Variants in VAV3 observed in about 807,000 individuals in gnomAD.
VAV3 encodes the protein guanine nucleotide exchange factor VAV3.
VAV3 carries 94 observed loss-of-function variants against 131.2 expected under a neutral mutation model. The ratio of observed to expected loss-of-function variants is 0.72; its 90% CI spans 0.61 to 0.85. The LOEUF is 0.85. Among genes scored for constraint, VAV3 ranks in the 40% least tolerant of loss-of-function variants. VAV3 has a pLI of 0.00. For missense variants in VAV3, 939 were observed against 1,002.7 expected (o/e 0.94, Z 0.86); for synonymous variants, 349 against 342.0 (o/e 1.02, Z -0.22).
intron 17 of VAV3, 189 bp from the exon 18 acceptor site, chr1:107,688,595 G>T: frequency 7.0e-7 from 1 of 1,438,346 alleles, no homozygotes; most frequent in Non-Finnish European, 9.2e-7. Flanking sequence ...TACCCTATTG[G>T]CTTGTCAGGA....
intron 15 of VAV3, among the ~76,000 whole-genome samples, chr1:107,743,847 A>G (rs1194294002): frequency 6.6e-6 from 1 of 152,248 alleles, no homozygotes; most frequent in Non-Finnish European, 1.5e-5. Flanking sequence ...GTTTGAAGAT[A>G]ATACTTGGAA....
intron 2 of VAV3, among the ~76,000 whole-genome samples, chr1:107,789,935 T>G (rs953347681): frequency 6.6e-6 from 1 of 152,166 alleles, no homozygotes; most frequent in Non-Finnish European, 1.5e-5. Flanking sequence ...AGTAGCCACA[T>G]GTGGTTAATA....
chr1:107,606,132 G>GT (rs1297156999), intron 22 of VAV3, among the ~76,000 whole-genome samples: 2 of 152,034 alleles, frequency 1.3e-5, no homozygotes, highest in Non-Finnish European at 2.9e-5. Flanking sequence ...TACACAGGAT[G>GT]TAACACTCTA....
At chr1:107,728,636 TGTATA>T in intron 15 of VAV3, among the ~76,000 whole-genome samples, 1 of 128,240 alleles carries the variant, frequency 7.8e-6, no homozygotes, top group Non-Finnish European at 1.7e-5. Flanking sequence ...TATATGTATA[TGTATA>T]TGTATATGTA....
intron 1 of VAV3, 39 bp from the exon 2 acceptor site, chr1:107,875,056 A>G (rs1173626438): frequency 6.6e-7 from 1 of 1,512,742 alleles, no homozygotes; most frequent in Non-Finnish European, 9.2e-7. Context: ...AAAGTTAATT[A>G]TTCTGAATGC....
intron 15 of VAV3, among the ~76,000 whole-genome samples, chr1:107,712,376 C>A (rs111360615): frequency 1.3e-5 from 2 of 152,150 alleles, no homozygotes; most frequent in African/African-American, 4.8e-5. Flanking sequence ...CATCAGCTAT[C>A]GTTATTGTTA....
intron 20 of VAV3, among the ~76,000 whole-genome samples, chr1:107,635,371 C>CA (rs1318376159): frequency 4.9e-4 from 72 of 147,634 alleles, no homozygotes; most frequent in African/African-American, 1.7e-3. Context: ...ATCGCAAGGA[C>CA]AAAAAACCAA....
At chr1:107,633,894 C>G (rs369450512) in intron 20 of VAV3, among the ~76,000 whole-genome samples, 1 of 152,000 alleles carries the variant, frequency 6.6e-6, no homozygotes, top group Admixed American at 6.6e-5. Context: ...CACGGGCATT[C>G]GAGACCTTAC....
At chr1:107,860,974 C>T (rs1183487337) in intron 2 of VAV3, among the ~76,000 whole-genome samples, 1 of 151,692 alleles carries the variant, frequency 6.6e-6, no homozygotes, top group Non-Finnish European at 1.5e-5. Context: ...CTGTGCTGCT[C>T]TAAAACCAAT....
At chr1:107,785,401 C>A (rs540048997) in intron 2 of VAV3, 2 of 1,308,676 alleles carry the variant, frequency 1.5e-6, no homozygotes, top group African/African-American at 1.6e-5. Flanking sequence ...AAGGAAAGGC[C>A]GGGTTCAGTA....
chr1:107,845,255 T>C (rs951492593), intron 2 of VAV3, among the ~76,000 whole-genome samples: 1 of 152,034 alleles, frequency 6.6e-6, no homozygotes, highest in Non-Finnish European at 1.5e-5. Context: ...AGCGTCAACA[T>C]CAACGAAAAG....
At chr1:107,850,931 C>A (rs1174487543) in intron 2 of VAV3, among the ~76,000 whole-genome samples, 8 of 151,774 alleles carry the variant, frequency 5.3e-5, no homozygotes, top group African/African-American at 1.9e-4. Flanking sequence ...GTAAGTGTGC[C>A]CTTGGCATTG....
chr1:107,866,093 G>A (rs973535114), intron 2 of VAV3, among the ~76,000 whole-genome samples: 4 of 152,170 alleles, frequency 2.6e-5, no homozygotes, highest in Non-Finnish European at 5.9e-5. Context: ...TCATGGGAAA[G>A]GGGCCAGCTT....
chr1:107,759,996 G>T (rs76119888), intron 10 of VAV3, among the ~76,000 whole-genome samples: 3,657 of 152,172 alleles, frequency 0.024, 98 homozygotes, highest in African/African-American at 0.063. Flanking sequence ...AATAATCAGG[G>T]TTTGAATTTT....
At chr1:107,850,942 C>T (rs1669189809) in intron 2 of VAV3, among the ~76,000 whole-genome samples, 2 of 151,794 alleles carry the variant, frequency 1.3e-5, no homozygotes, top group South Asian at 4.2e-4. Context: ...CTTGGCATTG[C>T]CCTCCACAGC....
At chr1:107,690,199 A>C (rs750987493) in intron 17 of VAV3, among the ~76,000 whole-genome samples, 3 of 152,194 alleles carry the variant, frequency 2.0e-5, no homozygotes, top group Non-Finnish European at 2.9e-5. Flanking sequence ...CTTGCAAAGT[A>C]AGTCTTTTAC....
At chr1:107,813,576 C>T (rs979752767) in intron 2 of VAV3, among the ~76,000 whole-genome samples, 1 of 152,190 alleles carries the variant, frequency 6.6e-6, no homozygotes, top group Non-Finnish European at 1.5e-5. Flanking sequence ...ATAATAACCA[C>T]CACCTCAAAC....
Position 107,753,292 on chromosome 1 carries a change from TCCAGGGG to T in VAV3, c.1174-2097_1174-2091del, listed in dbSNP as rs150842219. On this transcript the variant is annotated intron_variant, in intron 12 of 26. Transcript: ENST00000370056. ...AGAGATAGAAAGTAGATTGGTAGTTTCCAGGGGCCAGGGAAAGAGAAGAATGGGAAGT... is the reference window on the plus strand; with the variant it reads ...AGAGATAGAAAGTAGATTGGTAGTTTCCAGGGAAAGAGAAGAATGGGAAGT... 4.4e-3 allele frequency among the ~76,000 whole-genome samples: 668 copies of T among 151,972 alleles called. 9 individuals carry two copies. The highest frequency in any genetic ancestry group is 0.016 in the African/African-American group (643 of 41,456).
At chr1:107,634,845 T>C (rs1654788886) in intron 20 of VAV3, among the ~76,000 whole-genome samples, 1 of 152,140 alleles carries the variant, frequency 6.6e-6, no homozygotes, top group Non-Finnish European at 1.5e-5. Flanking sequence ...AAGACATTTA[T>C]GCAGCTGAAA....
Sources: allele counts gnomAD v4.1 joint callset (sites outside exome capture counted in the v4.1 genomes callset), GRCh38; gene constraint gnomAD v4.1.1; transcripts MANE v1.5; gene names NCBI Gene and HGNC (gene_info 2026-07-23, HGNC 2026-07-21).